Variants in PRPS1 observed in about 807,000 individuals in gnomAD.
The protein encoded by PRPS1 is phosphoribosyl pyrophosphate synthetase 1, also known as ribose-phosphate pyrophosphokinase 1.
A neutral mutation model predicts 16.9 loss-of-function variants in PRPS1; 1 was observed. The ratio of observed to expected loss-of-function variants is 0.06; its 90% CI spans 0.02 to 0.28. The LOEUF is 0.28. PRPS1 is among the 10% of genes least tolerant of loss of function. The pLI is 1.00. For synonymous variants in PRPS1, 70 were observed against 90.2 expected (o/e 0.78, Z 1.27); for missense variants, 47 against 254.0 (o/e 0.19, Z 5.54).
At chrX:107,643,801 G>T (rs1602903883) in intron 4 of PRPS1, among the ~76,000 whole-genome samples, 1 of 111,962 alleles carries the variant, frequency 8.9e-6, no homozygotes, top group Non-Finnish European at 1.9e-5. Context: ...CTGATGTTAT[G>T]TGCTTATGCA....
intron 1 of PRPS1, chrX:107,636,724 G>A (rs1277440936): frequency 8.9e-6 from 1 of 111,926 alleles, no homozygotes; most frequent in African/African-American, 3.2e-5. Context: ...GGGTTAGAAA[G>A]GAATAAATAA....
At chrX:107,640,014 G>T (rs1383958521) in intron 2 of PRPS1, among the ~76,000 whole-genome samples, 1 of 112,825 alleles carries the variant, frequency 8.9e-6, no homozygotes, top group East Asian at 2.8e-4. Context: ...CTCGAAGAAG[G>T]TCAGATATTT....
At position 107,647,708 on chromosome X, in the gene PRPS1, A is replaced by C. The variant is rs1461313913; in HGVS notation, c.807A>C (p.Val269=). 2 of 1,209,516 alleles carry C rather than the reference A, an allele frequency of 1.7e-6. No individual in the cohort carries two copies. The highest frequency in any genetic ancestry group is 5.9e-5 in the East Asian group (2 of 33,770). ...SRINNACFEA[V]VVTNTIPQED... is the part of the protein sequence containing the mutation. ...TCAACAACGCATGCTTTGAGGCAGT[A>C]GTAGTCACCAATACCATACCTCAGG... The change falls in exon 6 of 7, where the codon GTA becomes GTC. Residue 269 remains valine (V), a synonymous_variant. Transcript: ENST00000372435.
At chrX:107,644,596 T>C (rs1925647863) in intron 4 of PRPS1, among the ~76,000 whole-genome samples, 2 of 112,004 alleles carry the variant, frequency 1.8e-5, no homozygotes, top group African/African-American at 3.2e-5. Context: ...GGTGAGGGTG[T>C]CTGTCCTCTA....
At chrX:107,648,627 GGTCTCAAACTCCTA>G (rs1451601859) in intron 6 of PRPS1, among the ~76,000 whole-genome samples, 1 of 109,635 alleles carries the variant, frequency 9.1e-6, no homozygotes, top group Non-Finnish European at 1.9e-5. Context: ...TGCCCAGGCT[GGTCTCAAACTCCTA>G]GCCTCAAGCT....
intron 1 of PRPS1, among the ~76,000 whole-genome samples, chrX:107,638,816 T>C (rs778725410): frequency 7.2e-5 from 8 of 111,331 alleles, no homozygotes; most frequent in Non-Finnish European, 1.5e-4. Context: ...CACTGCAACC[T>C]CCGCCTCCTG....
At chrX:107,647,826 G>T (rs139132826) in intron 6 of PRPS1, 61 bp downstream of exon 6, 2 of 1,095,372 alleles carry the variant, frequency 1.8e-6, no homozygotes, top group East Asian at 6.1e-5. Flanking sequence ...GGTTACTTAC[G>T]TTGAATTAGG....
chrX:107,639,585 A>G (rs1925525645), intron 2 of PRPS1, 107 bp downstream of exon 2: 31 of 860,013 alleles, frequency 3.6e-5, no homozygotes, highest in Non-Finnish European at 5.0e-5. Context: ...AATTTTAAAA[A>G]TCACCTTTTC....
chrX:107,639,026 C>T (rs1310062090), intron 1 of PRPS1, among the ~76,000 whole-genome samples: 2 of 112,549 alleles, frequency 1.8e-5, no homozygotes, highest in East Asian at 2.8e-4. Context: ...TGAGCCACTG[C>T]GCCCAGCCCT....
intron 1 of PRPS1, among the ~76,000 whole-genome samples, chrX:107,638,171 G>A (rs1047960574): frequency 2.7e-5 from 3 of 109,731 alleles, no homozygotes; most frequent in Non-Finnish European, 5.7e-5. Context: ...GCGCAGTAGC[G>A]TGATCTTGGC....
chrX:107,632,784 T>G (rs756557143), intron 1 of PRPS1, among the ~76,000 whole-genome samples: 9 of 112,518 alleles, frequency 8.0e-5, no homozygotes, highest in Non-Finnish European at 1.7e-4. Context: ...AGGTTAAGAT[T>G]TTTAGAGGAC....
intron 4 of PRPS1, among the ~76,000 whole-genome samples, chrX:107,643,260 A>G (rs1169867118): frequency 8.9e-6 from 1 of 112,268 alleles, no homozygotes; most frequent in Non-Finnish European, 1.9e-5. Context: ...AACTTGAGTT[A>G]TGTTATCCAG....
chrX:107,645,047 C>T (rs942903506), intron 4 of PRPS1, 130 bp from the exon 5 acceptor site: 1 of 711,452 alleles, frequency 1.4e-6, no homozygotes, highest in African/African-American at 2.1e-5. Context: ...ATCTCCTGAC[C>T]TTGTGATCCG....
chrX:107,639,172 T>G, intron 1 of PRPS1, 123 bp from the exon 2 acceptor site: 2 of 885,653 alleles, frequency 2.3e-6, no homozygotes, highest in Non-Finnish European at 1.6e-6. Context: ...CAGGTGCAAT[T>G]TTTTCTCCAA....
chrX:107,647,929 T>C (rs995295280), intron 6 of PRPS1, among the ~76,000 whole-genome samples, 164 bp downstream of exon 6: 2 of 109,665 alleles, frequency 1.8e-5, no homozygotes, highest in African/African-American at 3.5e-5. Flanking sequence ...ACCTGTTTCT[T>C]TTCCTTTTTT....
chrX:107,637,776 A>G (rs1925473813), intron 1 of PRPS1, among the ~76,000 whole-genome samples: 2 of 109,884 alleles, frequency 1.8e-5, no homozygotes, highest in South Asian at 7.9e-4. Context: ...TAGGTGATCA[A>G]TATCCACATG....
intron 1 of PRPS1, among the ~76,000 whole-genome samples, chrX:107,635,009 T>C (rs1254171564): frequency 9.1e-6 from 1 of 110,020 alleles, no homozygotes; most frequent in Non-Finnish European, 1.9e-5. Context: ...CTGGCTAATT[T>C]TTTTGTATTT....
intron 5 of PRPS1, among the ~76,000 whole-genome samples, chrX:107,646,273 T>TTTATTA (rs960684557): frequency 9.2e-6 from 1 of 109,202 alleles, no homozygotes; most frequent in Non-Finnish European, 1.9e-5. Flanking sequence ...TGGGTAATTA[T>TTTATTA]TTATTATTAT....
chrX:107,634,388 A>ATT (rs1293955825), intron 1 of PRPS1, among the ~76,000 whole-genome samples: 5 of 93,266 alleles, frequency 5.4e-5, no homozygotes, highest in Non-Finnish European at 1.1e-4. Flanking sequence ...CTAATGGCTA[A>ATT]TTTTTTTTTT....
Sources: gnomAD v4.1 joint callset for allele counts (sites outside exome capture counted in the v4.1 genomes callset) on GRCh38, gnomAD v4.1.1 for gene constraint, MANE v1.5 for transcripts, NCBI Gene and HGNC (gene_info 2026-07-23, HGNC 2026-07-21) for gene names.